The following RXRG variants were observed in gnomAD, a reference collection of about 807,000 sequenced individuals.
RXRG encodes retinoic acid receptor RXR-gamma.
Under a neutral mutation model 49.2 loss-of-function variants are expected in RXRG, and 19 were observed. The observed-to-expected ratio is 0.39, with a 90% CI of 0.27 to 0.57. RXRG has a LOEUF of 0.57. Ranked by LOEUF, RXRG falls within the 20% of genes least tolerant of loss-of-function variation. The pLI, the probability that RXRG is intolerant of heterozygous loss-of-function variation, is 0.64. For synonymous variants in RXRG, 224 were observed against 216.6 expected (o/e 1.03, Z -0.30); for missense variants, 452 against 592.5 (o/e 0.76, Z 2.46).
At chr1:165,412,503 T>C (rs936167117) in intron 4 of RXRG, among the ~76,000 whole-genome samples, 1 of 152,226 alleles carries the variant, frequency 6.6e-6, no homozygotes, top group Non-Finnish European at 1.5e-5. Context: ...CCTTCCTTGC[T>C]AAATGGCATT....
At chr1:165,412,194 C>T (rs988402292) in intron 4 of RXRG, among the ~76,000 whole-genome samples, 6 of 151,406 alleles carry the variant, frequency 4.0e-5, no homozygotes, top group Non-Finnish European at 5.9e-5. Flanking sequence ...GTTTGTCATG[C>T]GAGCCATATC....
In RXRG at chr1:165,419,865, T is replaced by A. The variant is rs986361408; in HGVS notation, c.442+5A>T. 2.5e-6 allele frequency: 4 copies of A among 1,602,936 alleles called. No homozygotes were observed. Among genetic ancestry groups the A allele is most frequent in the African/African-American group, 1.3e-5 (1 of 74,514 alleles). On this transcript the variant is annotated splice_donor_5th_base_variant and intron_variant, in intron 3 of 9. Coordinates refer to ENST00000359842, the MANE Select transcript of RXRG (RefSeq NM_006917.5). ...TTTTCAGGGAGTGTCTGCTTCTGCA[T>A]GTACCTGAGGATCTGTCTCCACAGA... is the stretch of plus-strand genomic sequence containing the variant.
chr1:165,419,305 ACTTTT>A (rs1312573156), intron 3 of RXRG, among the ~76,000 whole-genome samples: 2 of 152,088 alleles, frequency 1.3e-5, no homozygotes, highest in Non-Finnish European at 2.9e-5. Context: ...TAATTTTTTT[ACTTTT>A]CTTTGCAGTT....
intron 4 of RXRG, among the ~76,000 whole-genome samples, chr1:165,414,756 G>A (rs1269332310): frequency 6.6e-6 from 1 of 152,148 alleles, no homozygotes; most frequent in African/African-American, 2.4e-5. Context: ...TCACCAGCAG[G>A]TATTTCATAT....
chr1:165,421,875 T>A lies in RXRG; in HGVS notation c.298-1861A>T, dbSNP rs533835410. 1.9e-4 allele frequency among the ~76,000 whole-genome samples: 29 copies of A among 152,288 alleles called. No homozygotes were observed. In the South Asian group the frequency reaches 5.6e-3, roughly 29 times the overall value. On this transcript the variant is annotated intron_variant, in intron 2 of 9. Coordinates refer to ENST00000359842, the MANE Select transcript of RXRG (RefSeq NM_006917.5). ...TTTCACCAGATGACATTAATGTGCA[T>A]CCAGGGTTAAGAACCACTGCCATAG... is the stretch of plus-strand genomic sequence containing the variant.
intron 4 of RXRG, among the ~76,000 whole-genome samples, chr1:165,413,124 C>G (rs974637825): frequency 1.3e-5 from 2 of 152,110 alleles, no homozygotes; most frequent in African/African-American, 4.8e-5. Context: ...ATTCACTTTT[C>G]CTCTTTGTGC....
intron 7 of RXRG, 134 bp downstream of exon 7, chr1:165,409,424 C>A: frequency 8.9e-7 from 1 of 1,118,668 alleles, no homozygotes. Flanking sequence ...TTGGGCTGCC[C>A]ATCCTCCATC....
chr1:165,404,310 TTGCAGTTCTAAGTTC>T (rs1363600224), intron 9 of RXRG, among the ~76,000 whole-genome samples: 1 of 152,208 alleles, frequency 6.6e-6, no homozygotes, highest in African/African-American at 2.4e-5. Context: ...TGCCACCTCC[TTGCAGTTCTAAGTTC>T]TGCCCTAGTC....
chr1:165,411,826 A>G (rs1348782012), intron 4 of RXRG, among the ~76,000 whole-genome samples: 4 of 152,218 alleles, frequency 2.6e-5, no homozygotes, highest in Non-Finnish European at 5.9e-5. Context: ...CCATGTCTAT[A>G]CATTAGGATT....
At chr1:165,434,708 G>A (rs1425055702) in intron 1 of RXRG, among the ~76,000 whole-genome samples, 1 of 152,202 alleles carries the variant, frequency 6.6e-6, no homozygotes, top group Non-Finnish European at 1.5e-5. Context: ...CTCTCCCACA[G>A]TGGAACTGTC....
chr1:165,416,208 T>C (rs1028480266), intron 4 of RXRG, among the ~76,000 whole-genome samples: 3 of 152,128 alleles, frequency 2.0e-5, no homozygotes, highest in African/African-American at 7.2e-5. Context: ...AGGCAGGACC[T>C]TCTTACTCTA....
intron 4 of RXRG, among the ~76,000 whole-genome samples, chr1:165,415,661 G>C (rs1658100597): frequency 6.6e-6 from 1 of 152,188 alleles, no homozygotes. Context: ...AAAAAGAGGG[G>C]AGTCAATGGT....
At position 165,410,723 on chromosome 1, in the gene RXRG, G is replaced by C. The variant is rs750773605; in HGVS notation, c.892C>G (p.Gln298Glu). 16 of 1,613,922 alleles carry C rather than the reference G, an allele frequency of 9.9e-6. No homozygotes were observed. The highest frequency in any genetic ancestry group is 1.4e-5 in the Non-Finnish European group (16 of 1,180,010). ...TTACCTGCCCGAAGCAAAATGACCT[G>C]GTCCTCCAAGGTGAGGTCAGAGAAG... ...PHFSDLTLED[Q>E]VILLRAGWNE... is the part of the protein sequence containing the mutation. Residue 298 changes from glutamine to glutamate, a missense_variant, in exon 6 of 10, where the codon CAG becomes GAG. By Grantham distance (29) the Gln-to-Glu change is conservative. Transcript: ENST00000359842.
At chr1:165,402,609 C>T (rs961208116) in intron 9 of RXRG, among the ~76,000 whole-genome samples, 13 of 152,004 alleles carry the variant, frequency 8.6e-5, no homozygotes, top group African/African-American at 2.9e-4. Context: ...CACGCACACT[C>T]ACACTCTTTT....
chr1:165,444,362 T>C (rs911184948), intron 1 of RXRG, among the ~76,000 whole-genome samples: 3 of 152,198 alleles, frequency 2.0e-5, no homozygotes, highest in African/African-American at 7.2e-5. Flanking sequence ...TAAAGGGAAA[T>C]CTGCTTTTGA....
chr1:165,401,869 C>T (rs1173480788), intron 9 of RXRG, among the ~76,000 whole-genome samples: 2 of 152,320 alleles, frequency 1.3e-5, no homozygotes, highest in African/African-American at 2.4e-5. Flanking sequence ...GTTTGAGAAC[C>T]TTACTCTAGC....
intron 2 of RXRG, among the ~76,000 whole-genome samples, chr1:165,422,079 A>T (rs1305414425): frequency 6.6e-6 from 1 of 152,108 alleles, no homozygotes. Context: ...GGGAATAAGG[A>T]AGAAACCACC....
At chr1:165,417,563 TAATA>T (rs1658165378) in intron 3 of RXRG, among the ~76,000 whole-genome samples, 1 of 152,190 alleles carries the variant, frequency 6.6e-6, no homozygotes, top group Non-Finnish European at 1.5e-5. Context: ...TTAGTGTAAA[TAATA>T]AATAAAAATA....
chr1:165,436,780 G>T, intron 1 of RXRG: 1 of 354,722 alleles, frequency 2.8e-6, no homozygotes. Context: ...AAATGCAAAT[G>T]GAACAACCTG....
Sources: allele counts gnomAD v4.1 joint callset (sites outside exome capture counted in the v4.1 genomes callset), GRCh38; gene constraint gnomAD v4.1.1; transcripts MANE v1.5; gene names NCBI Gene and HGNC (gene_info 2026-07-23, HGNC 2026-07-21).